SYNE1: variants seen among roughly 807,000 people sequenced by gnomAD.
The protein encoded by SYNE1 is spectrin repeat containing nuclear envelope protein 1, also known as nesprin-1.
SYNE1 carries 616 observed loss-of-function variants against 1,111.0 expected under a neutral mutation model. The observed-to-expected ratio is 0.55, with a 90% CI of 0.52 to 0.59. SYNE1 has a LOEUF of 0.59. Among genes scored for constraint, SYNE1 ranks in the 20% least tolerant of loss-of-function variants. The probability of loss-of-function intolerance (pLI) is 0.00; values close to 1 mark genes in which losing one functional copy is unlikely to be tolerated. For synonymous variants in SYNE1, 3,855 were observed against 3,825.8 expected, an observed-to-expected ratio of 1.01 and a Z score of -0.28; for missense variants, 10,006 against 10,417.0, an observed-to-expected ratio of 0.96 and a Z score of 1.72.
intron 32 of SYNE1, among the ~76,000 whole-genome samples, chr6:152,437,985 G>A (rs1035154281): frequency 3.3e-5 from 5 of 152,126 alleles, no homozygotes; most frequent in African/African-American, 1.2e-4. Flanking sequence ...CTGCACTCCA[G>A]CCTAGGTGAC....
chr6:152,313,102 A>G (rs1331915981), intron 87 of SYNE1, among the ~76,000 whole-genome samples: 1 of 152,202 alleles, frequency 6.6e-6, no homozygotes, highest in African/African-American at 2.4e-5. Flanking sequence ...CACGGCGGAG[A>G]TATGCTCTGC....
At chr6:152,156,149 G>C (rs1257666137) in intron 131 of SYNE1, 52 bp from the exon 132 acceptor site, 2 of 1,604,480 alleles carry the variant, frequency 1.2e-6, no homozygotes, top group Non-Finnish European at 1.7e-6. Context: ...ATACAGATGA[G>C]AGAAACTGAA....
intron 123 of SYNE1, among the ~76,000 whole-genome samples, chr6:152,212,495 GACATTTC>G (rs1254944241): frequency 2.0e-5 from 3 of 152,068 alleles, no homozygotes; most frequent in Non-Finnish European, 4.4e-5. Context: ...CTATTATATA[GACATTTC>G]ACATTTTATT....
Position 152,148,410 on chromosome 6 carries a change from G to C in SYNE1, c.24643-32C>G. ...GGGAAGTCAAGGCAACCCTGTCACT[G>C]TAGTGGTCAGACTAGCTTCTTATCT... On this transcript the variant is annotated intron_variant, in intron 136 of 145. Transcript: ENST00000367255. This position sits in a 1 kb window ranked among gnomAD's most constrained non-coding sequence, Gnocchi z 4.1. 1 of 1,601,862 alleles carries C rather than the reference G, an allele frequency of 6.2e-7. No homozygotes were observed. The highest frequency in any genetic ancestry group is 8.5e-7 in the Non-Finnish European group (1 of 1,173,928).
At chr6:152,607,776 A>T (rs2099620082) in intron 3 of SYNE1, among the ~76,000 whole-genome samples, 1 of 152,224 alleles carries the variant, frequency 6.6e-6, no homozygotes, top group Non-Finnish European at 1.5e-5. Flanking sequence ...AAGACATAAA[A>T]CCAACCCAGA....
chr6:152,261,824 T>C (rs929430841), intron 101 of SYNE1, among the ~76,000 whole-genome samples: 1 of 152,176 alleles, frequency 6.6e-6, no homozygotes, highest in African/African-American at 2.4e-5. Context: ...ATATTGTCTA[T>C]AAATCAAATA....
Position 152,359,539 on chromosome 6 carries a change from TTG to T in SYNE1, c.10300-83_10300-82del. 3 of 1,570,672 alleles carry T rather than the reference TTG, an allele frequency of 1.9e-6. No individual in the cohort carries two copies. The Admixed American group carries it at 5.1e-5, about 27-fold the overall frequency. ...CACTGCTAAAATCAAGATATTTTAA[TTG>T]TACAGTTGACAAGTGACCTCAGGTT... is the stretch of plus-strand genomic sequence containing the variant. On this transcript the variant is annotated intron_variant, in intron 64 of 145. Transcript: ENST00000367255.
intron 61 of SYNE1, 126 bp from the exon 62 acceptor site, chr6:152,367,508 T>TG: frequency 9.1e-7 from 1 of 1,095,150 alleles, no homozygotes; most frequent in African/African-American, 1.5e-5. Flanking sequence ...GAGGCAAGTC[T>TG]GGCCTAAATC....
intron 16 of SYNE1, among the ~76,000 whole-genome samples, chr6:152,470,422 C>T (rs7751874): frequency 0.028 from 4,239 of 152,130 alleles, 198 homozygotes; most frequent in African/African-American, 0.091. Flanking sequence ...GAAGAACTAA[C>T]GTAATTGCTT....
chr6:152,569,801 G>T (rs1038933609), intron 3 of SYNE1, among the ~76,000 whole-genome samples: 8 of 152,120 alleles, frequency 5.3e-5, no homozygotes, highest in African/African-American at 1.9e-4. Flanking sequence ...AACAATTTGG[G>T]TATATAAACC....
chr6:152,424,178 T>G (rs2154193113), intron 39 of SYNE1, among the ~76,000 whole-genome samples: 1 of 152,342 alleles, frequency 6.6e-6, no homozygotes, highest in East Asian at 1.9e-4. Flanking sequence ...AAATAATAGG[T>G]GATTGGAGAT....
intron 24 of SYNE1, 134 bp from the exon 25 acceptor site, chr6:152,453,854 ATTG>A: frequency 9.3e-7 from 1 of 1,073,634 alleles, no homozygotes; most frequent in Non-Finnish European, 1.4e-6. Context: ...GGCACCCACT[ATTG>A]TTTTTTAAGG....
chr6:152,615,343 T>C (rs886934108), intron 3 of SYNE1, among the ~76,000 whole-genome samples: 1 of 152,184 alleles, frequency 6.6e-6, no homozygotes, highest in East Asian at 1.9e-4. Context: ...TATTTATAAA[T>C]ATTTAATGGA....
In SYNE1 at chr6:152,143,685, C is replaced by T. The variant is rs1472181808; in HGVS notation, c.25057G>A (p.Glu8353Lys). 3.7e-6 allele frequency: 6 copies of T among 1,614,080 alleles called. No homozygotes were observed. Among genetic ancestry groups the T allele is most frequent in the African/African-American group, 1.3e-5 (1 of 74,922 alleles). The change falls in exon 138 of 146, where the codon GAA (glutamate) becomes AAA (lysine). Residue 8353 changes from glutamate (E) to lysine (K), a missense_variant. Transcript: ENST00000367255. ...DDSRFQIQQT[E>K]NIIRSKTPTG... ...GGAGTTTTGCTGCGAATGATATTTT[C>T]GGTTTGCTGTATCTGAAAACGGCTA... is the stretch of plus-strand genomic sequence containing the variant.
At chr6:152,495,089 C>T (rs2098991930) in intron 11 of SYNE1, among the ~76,000 whole-genome samples, 1 of 152,200 alleles carries the variant, frequency 6.6e-6, no homozygotes, top group South Asian at 2.1e-4. Flanking sequence ...CACTAGCCCT[C>T]CTCTTAGAAC....
rs2153408771 is a variant in SYNE1, at chr6:152,208,006, A to C, written c.22790T>G (p.Leu7597Arg). 1 of 1,614,130 alleles carries C rather than the reference A, an allele frequency of 6.2e-7. No individual in the cohort carries two copies. Among genetic ancestry groups the C allele is most frequent in the Non-Finnish European group, 8.5e-7 (1 of 1,180,016 alleles). ...MSGLGSVPIPLQQARTLFDEV... is the reference protein window; with the variant it reads ...MSGLGSVPIPRQQARTLFDEV... ...ATCAAAGAGGGTCCTTGCTTGTTGCAGTGGTATAGGAACACTTCCGAGACC... is the reference window on the plus strand; with the variant it reads ...ATCAAAGAGGGTCCTTGCTTGTTGCCGTGGTATAGGAACACTTCCGAGACC... Residue 7597 changes from leucine (L) to arginine (R), a missense_variant, in exon 125 of 146, where the codon CTG (leucine) becomes CGG (arginine). Physicochemically the swap from Leu to Arg is moderately radical, Grantham distance 102. Transcript: ENST00000367255.
intron 14 of SYNE1, among the ~76,000 whole-genome samples, chr6:152,478,091 C>A (rs922300706): frequency 6.6e-6 from 1 of 152,062 alleles, no homozygotes; most frequent in Admixed American, 6.6e-5. Context: ...GGTAAAGGGA[C>A]AACTATGTGA....
Position 152,425,466 on chromosome 6 carries a change from A to C in SYNE1, c.5182T>G (p.Ser1728Ala). ...TTCATCATTTTCACATCATCTTTGG[A>C]GGCTACTGAGAACAATGATTCCTTC... is the stretch of plus-strand genomic sequence containing the variant. ...QLKESLFSVA[S>A]KDDVKMMKLH... The change falls in exon 39 of 146, where the codon TCC (serine) becomes GCC (alanine). Residue 1728 changes from serine (S) to alanine (A), a missense_variant. By Grantham distance (99) the Ser-to-Ala change is moderately conservative (BLOSUM62 1). Transcript: ENST00000367255. 2.5e-6 allele frequency: 4 copies of C among 1,614,146 alleles called. No homozygotes were observed.
At position 152,164,345 on chromosome 6, in the gene SYNE1, A is replaced by G. The variant is rs1242408253; in HGVS notation, c.23628-20T>C. On this transcript the variant is annotated intron_variant, in intron 130 of 145. Transcript: ENST00000367255. ...TTCACCCTGTGGGCAGAGAAGGGGG[A>G]ATGTCCCACTTCAGCGAGAGGCCCA... 2 of 1,613,598 alleles carry G rather than the reference A, an allele frequency of 1.2e-6. No homozygotes were observed. The highest frequency in any genetic ancestry group is 2.7e-5 in the African/African-American group (2 of 74,822).
Sources: allele counts gnomAD v4.1 joint callset (sites outside exome capture counted in the v4.1 genomes callset), GRCh38; gene constraint gnomAD v4.1.1; non-coding constraint Gnocchi (gnomAD v3.1); transcripts MANE v1.5; gene names NCBI Gene and HGNC (gene_info 2026-07-23, HGNC 2026-07-21).